Variants in SLC26A8 observed in about 807,000 individuals in gnomAD.
The protein encoded by SLC26A8 is solute carrier family 26 member 8.
Under a neutral mutation model 105.0 loss-of-function variants are expected in SLC26A8, and 70 were observed. The observed-to-expected ratio is 0.67, with a 90% confidence interval of 0.55 to 0.81. The LOEUF (loss-of-function observed/expected upper bound fraction) is 0.81, where lower values mean the gene tolerates loss of function less well. SLC26A8 is among the 40% of genes least tolerant of loss of function. The probability of loss-of-function intolerance (pLI) is 0.00; values close to 1 mark genes in which losing one functional copy is unlikely to be tolerated. For synonymous variants in SLC26A8, 415 were observed against 438.3 expected, an observed-to-expected ratio of 0.95 and a Z score of 0.66; for missense variants, 998 against 1,181.8, an observed-to-expected ratio of 0.84 and a Z score of 2.28.
intron 16 of SLC26A8, among the ~76,000 whole-genome samples, chr6:35,959,037 C>A (rs1562022439): frequency 2.0e-5 from 3 of 152,192 alleles, no homozygotes; most frequent in Non-Finnish European, 2.9e-5. Flanking sequence ...GAGACCCTGG[C>A]AGATCCTTGA....
chr6:36,003,647 T>C (rs1761591481), intron 3 of SLC26A8, among the ~76,000 whole-genome samples: 1 of 144,988 alleles, frequency 6.9e-6, no homozygotes. Context: ...TGATAATAAT[T>C]TCTTTTCTTT....
rs202210673 is a variant in SLC26A8 at position 36,019,489 on chromosome 6, C to T, written c.188+31G>A. 373 of 1,599,710 alleles carry T rather than the reference C, an allele frequency of 2.3e-4. No homozygotes were observed. The African/African-American group carries it at 4.5e-3, about 19-fold the overall frequency. ...GGTTAGGTTTCAGTCCTGCCCGGCT[C>T]GGCAGCAGGTGAAAGATTGGACACA... is the stretch of plus-strand genomic sequence containing the variant. On this transcript the variant is annotated intron_variant, in intron 2 of 19. Transcript: ENST00000490799.
At chr6:35,957,965 C>G (rs1047764138) in intron 16 of SLC26A8, among the ~76,000 whole-genome samples, 1 of 151,916 alleles carries the variant, frequency 6.6e-6, no homozygotes, top group Non-Finnish European at 1.5e-5. Flanking sequence ...TCTTACAATC[C>G]CCTCATGTGT....
intron 7 of SLC26A8, chr6:35,989,901 T>TGTTTTTTG: frequency 7.9e-6 from 1 of 125,796 alleles, no homozygotes; most frequent in East Asian, 2.1e-4. Flanking sequence ...TCTGTTTTTT[T>TGTTTTTTG]TTTGTTTGTT....
chr6:35,962,710 T>A, intron 11 of SLC26A8, 89 bp from the exon 12 acceptor site: 1 of 1,222,418 alleles, frequency 8.2e-7, no homozygotes, highest in Non-Finnish European at 1.2e-6. Flanking sequence ...AAGTTAGCCT[T>A]GCCACTTTGA....
chr6:35,962,125 C>A (rs1462934967), intron 12 of SLC26A8, among the ~76,000 whole-genome samples: 2 of 151,668 alleles, frequency 1.3e-5, no homozygotes, highest in Non-Finnish European at 2.9e-5. Context: ...ACTCGGGAGG[C>A]TGAGGCAGGA....
At chr6:35,968,359 G>C (rs552713100) in intron 11 of SLC26A8, among the ~76,000 whole-genome samples, 3 of 151,122 alleles carry the variant, frequency 2.0e-5, no homozygotes, top group African/African-American at 7.3e-5. Context: ...TGGCCAGGCG[G>C]GTCTTGAACT....
chr6:35,980,782 G>A (rs1393499280), intron 8 of SLC26A8, among the ~76,000 whole-genome samples: 1 of 152,152 alleles, frequency 6.6e-6, no homozygotes, highest in Non-Finnish European at 1.5e-5. Context: ...GGAGGTGGAG[G>A]TGGGAGGATC....
chr6:36,007,842 TG>T (rs1562067934), intron 3 of SLC26A8, among the ~76,000 whole-genome samples: 2 of 151,240 alleles, frequency 1.3e-5, no homozygotes, highest in African/African-American at 4.9e-5. Flanking sequence ...GTGTTGAGGC[TG>T]GGCGCGGTGG....
At chr6:35,966,726 A>G (rs1043685588) in intron 11 of SLC26A8, among the ~76,000 whole-genome samples, 6 of 152,212 alleles carry the variant, frequency 3.9e-5, no homozygotes, top group Non-Finnish European at 8.8e-5. Flanking sequence ...TTTATAGCTT[A>G]GTACTCATAG....
chr6:35,996,210 T>C (rs1761346403), intron 5 of SLC26A8, among the ~76,000 whole-genome samples: 1 of 152,174 alleles, frequency 6.6e-6, no homozygotes, highest in Non-Finnish European at 1.5e-5. Context: ...GTCTGCCCAC[T>C]TTGATAGCCT....
chr6:36,002,282 G>A (rs1005731962), intron 3 of SLC26A8, among the ~76,000 whole-genome samples: 5 of 152,108 alleles, frequency 3.3e-5, no homozygotes, highest in African/African-American at 1.2e-4. Context: ...CAGGGTTCAT[G>A]GTATCCTGTC....
rs151220532 is a variant in SLC26A8, at chr6:35,949,967, G to A, written c.2472+1196C>T. 4.3e-3 allele frequency among the ~76,000 whole-genome samples: 654 copies of A among 151,998 alleles called. 2 individuals carry two copies. Among genetic ancestry groups the A allele is most frequent in the Middle Eastern group, 0.024 (7 of 292 alleles). On this transcript the variant is annotated intron_variant, in intron 19 of 19. Coordinates refer to ENST00000490799, the MANE Select transcript of SLC26A8 (RefSeq NM_052961.4). ...ACTACAGGCGCGTGCCACCACGCCC[G>A]GCTAATTTTTTTGTATTTTTAGTAG...
At chr6:35,989,129 C>T (rs1189091494) in intron 7 of SLC26A8, among the ~76,000 whole-genome samples, 3 of 152,078 alleles carry the variant, frequency 2.0e-5, no homozygotes, top group East Asian at 1.9e-4. Context: ...CGTGAGCCAC[C>T]GCACCCGGCC....
At chr6:36,016,500 C>T (rs1761999196) in intron 2 of SLC26A8, among the ~76,000 whole-genome samples, 1 of 152,166 alleles carries the variant, frequency 6.6e-6, no homozygotes, top group African/African-American at 2.4e-5. Context: ...TTCTATATTA[C>T]ATTACAATTG....
At chr6:35,995,669 AT>A (rs3045894) in intron 5 of SLC26A8, among the ~76,000 whole-genome samples, 109 of 149,526 alleles carry the variant, frequency 7.3e-4, no homozygotes, top group African/African-American at 1.6e-3. Flanking sequence ...ACACCCAGCT[AT>A]TTTTTTTTTT....
intron 6 of SLC26A8, among the ~76,000 whole-genome samples, chr6:35,992,047 T>C (rs1761185335): frequency 6.6e-6 from 1 of 152,188 alleles, no homozygotes; most frequent in African/African-American, 2.4e-5. Context: ...TGTTTTAGTA[T>C]AATGAACAGG....
At chr6:35,969,647 C>CGGCCCTAAAATCCCA in intron 10 of SLC26A8, 1 of 82,698 alleles carries the variant, frequency 1.2e-5, no homozygotes. Flanking sequence ...TCCTCAGTGT[C>CGGCCCTAAAATCCCA]AGCCCTACTT....
intron 4 of SLC26A8, 85 bp downstream of exon 4, chr6:35,999,907 G>T: frequency 5.6e-6 from 5 of 894,786 alleles, no homozygotes; most frequent in Non-Finnish European, 9.0e-6. Flanking sequence ...CTATCTTAAA[G>T]CTTTATGTTG....
Sources: allele counts gnomAD v4.1 joint callset (sites outside exome capture counted in the v4.1 genomes callset), GRCh38; gene constraint gnomAD v4.1.1; transcripts MANE v1.5; gene names NCBI Gene and HGNC (gene_info 2026-07-23, HGNC 2026-07-21).